ATP6V1G3: variants seen among roughly 807,000 people sequenced by gnomAD.
ATP6V1G3 encodes ATPase H+ transporting V1 subunit G3, also known as V-type proton ATPase subunit G 3.
ATP6V1G3 carries 9 observed loss-of-function variants against 9.3 expected under a neutral mutation model. That is an observed-to-expected ratio of 0.97 (90% CI 0.59 to 1.69). The LOEUF (loss-of-function observed/expected upper bound fraction) is 1.69. Among genes scored for constraint, ATP6V1G3 ranks in the 40% most tolerant of loss-of-function variants. ATP6V1G3 has a pLI of 0.00. For missense variants in ATP6V1G3, 133 were observed against 139.0 expected (o/e 0.96, Z 0.22); for synonymous variants, 43 against 43.8 (o/e 0.98, Z 0.07).
chr1:198,527,990 T>C (rs1659728100), intron 2 of ATP6V1G3, among the ~76,000 whole-genome samples: 1 of 152,066 alleles, frequency 6.6e-6, no homozygotes, highest in Non-Finnish European at 1.5e-5. Flanking sequence ...TGTGAAGGCC[T>C]CATGGTAGGG....
At chr1:198,532,638 C>T (rs1166241414) in intron 1 of ATP6V1G3, among the ~76,000 whole-genome samples, 1 of 152,118 alleles carries the variant, frequency 6.6e-6, no homozygotes, top group East Asian at 1.9e-4. Flanking sequence ...CTACTTTAGA[C>T]AGATCAGGCC....
rs557297327 is a variant in ATP6V1G3 at position 198,536,575 on chromosome 1, G to A, written c.82+3994C>T. ...ATTTCATCTAAATTCAACCAAAATA[G>A]TAAGGCAGTTTTGCACATAAAAATG... On this transcript the variant is annotated intron_variant, in intron 1 of 2. Coordinates refer to ENST00000367382, the MANE Select transcript of ATP6V1G3 (RefSeq NM_001376861.1). 21 of 945,768 alleles carry A rather than the reference G, an allele frequency of 2.2e-5. No individual in the cohort carries two copies. The African/African-American group carries it at 3.4e-4, about 16-fold the overall frequency. 58.6% of individuals were successfully genotyped at this position (945,768 alleles called of 1,614,324 possible). A position where few individuals can be genotyped will look rare whatever the true frequency, so the allele number is the denominator to read the frequency against.
At chr1:198,524,021 A>C (rs938936094) in intron 2 of ATP6V1G3, among the ~76,000 whole-genome samples, 2 of 152,094 alleles carry the variant, frequency 1.3e-5, no homozygotes, top group African/African-American at 4.8e-5. Context: ...GCTGGTTTTT[A>C]AAGAGTGTTT....
Position 198,523,367 on chromosome 1 carries a change from T to G in ATP6V1G3, c.*24A>C. ...CAGGTGGCACTCACACACCTTTTTT[T>G]TTCTTGAAAACTGTGATGTACATTT... On this transcript the variant is annotated 3_prime_UTR_variant, in exon 3 of 3. Transcript: ENST00000367382. The G allele has an allele frequency of 6.2e-7, 1 of 1,600,732 alleles. No individual in the cohort carries two copies. Among genetic ancestry groups the G allele is most frequent in the South Asian group, 1.1e-5 (1 of 88,382 alleles).
chr1:198,534,862 C>G (rs1378066624), intron 1 of ATP6V1G3, among the ~76,000 whole-genome samples: 2 of 152,102 alleles, frequency 1.3e-5, no homozygotes, highest in African/African-American at 4.8e-5. Context: ...ATAAAACCAA[C>G]CTGATTCAAA....
intron 1 of ATP6V1G3, among the ~76,000 whole-genome samples, chr1:198,532,964 C>A (rs994866119): frequency 2.6e-5 from 4 of 152,130 alleles, no homozygotes; most frequent in African/African-American, 9.7e-5. Context: ...ATACTAAATT[C>A]ATGAAGGGTT....
At chr1:198,538,967 A>T (rs1038958771) in intron 1 of ATP6V1G3, among the ~76,000 whole-genome samples, 7 of 151,986 alleles carry the variant, frequency 4.6e-5, no homozygotes, top group African/African-American at 1.7e-4. Flanking sequence ...ATGCCGCTTC[A>T]ACCACAGGTC....
At chr1:198,538,486 A>G (rs1423409910) in intron 1 of ATP6V1G3, among the ~76,000 whole-genome samples, 1 of 152,250 alleles carries the variant, frequency 6.6e-6, no homozygotes, top group Non-Finnish European at 1.5e-5. Context: ...ATACAATAAT[A>G]TTGATTAATC....
chr1:198,536,634 A>G, intron 1 of ATP6V1G3: 4 of 1,457,422 alleles, frequency 2.7e-6, no homozygotes, highest in Non-Finnish European at 3.8e-6. Flanking sequence ...ATAACCTGTA[A>G]TCAGTGAATA....
At chr1:198,540,874 C>A, upstream of ATP6V1G3, 1 of 572,138 alleles carries the variant, frequency 1.7e-6, no homozygotes, top group Non-Finnish European at 3.1e-6. Context: ...TGAGAACTTA[C>A]CATTTCTGCC....
chr1:198,529,195 A>AATATATATATATAT lies in ATP6V1G3; in HGVS notation c.83-28_83-15dup. ...GCTTTCCTTTTCCTGAAAATTAACA[A>AATATATATATATAT]ATATATATATATATATATATAATTA... On this transcript the variant is annotated splice_polypyrimidine_tract_variant and intron_variant, in intron 1 of 2. Coordinates refer to ENST00000367382, the MANE Select transcript of ATP6V1G3 (RefSeq NM_001376861.1). The AATATATATATATAT allele has an allele frequency of 2.1e-6, 1 of 466,006 alleles. No homozygotes were observed. 28.9% of individuals were successfully genotyped at this position (466,006 alleles called of 1,614,324 possible).
chr1:198,527,739 A>C (rs887032917), intron 2 of ATP6V1G3, among the ~76,000 whole-genome samples: 1 of 152,148 alleles, frequency 6.6e-6, no homozygotes, highest in African/African-American at 2.4e-5. Flanking sequence ...AAAACAAAGA[A>C]ATGATTCTTT....
At chr1:198,532,293 G>C (rs955699503) in intron 1 of ATP6V1G3, among the ~76,000 whole-genome samples, 2 of 152,152 alleles carry the variant, frequency 1.3e-5, no homozygotes, top group African/African-American at 4.8e-5. Flanking sequence ...AAAAGAAGGA[G>C]GAAGGTTGGA....
rs2253223 is a variant in ATP6V1G3 at position 198,523,726 on chromosome 1, G to A, written c.184-162C>T. 3.0e-3 allele frequency among the ~76,000 whole-genome samples: 459 copies of A among 152,266 alleles called. 2 individuals are homozygous for A. Among genetic ancestry groups the A allele is most frequent in the Non-Finnish European group, 5.4e-3 (370 of 68,024 alleles). On this transcript the variant is annotated intron_variant, in intron 2 of 2. Coordinates refer to ENST00000367382, the MANE Select transcript of ATP6V1G3 (RefSeq NM_001376861.1). ...ACAAGATCATCAATGCCATGAGTGG[G>A]AAGGATGAACTTTCATAAAATATTG...
At chr1:198,527,408 C>G (rs1427399032) in intron 2 of ATP6V1G3, among the ~76,000 whole-genome samples, 1 of 151,916 alleles carries the variant, frequency 6.6e-6, no homozygotes, top group African/African-American at 2.4e-5. Flanking sequence ...ATAACCTGAA[C>G]AAGATATATA....
intron 2 of ATP6V1G3, among the ~76,000 whole-genome samples, chr1:198,527,709 T>C (rs1659713712): frequency 6.6e-6 from 1 of 152,166 alleles, no homozygotes; most frequent in Admixed American, 6.6e-5. Flanking sequence ...ACTGTTCTAA[T>C]GTCTAGGAAA....
intron 2 of ATP6V1G3, among the ~76,000 whole-genome samples, chr1:198,524,300 T>C (rs1274564111): frequency 6.6e-6 from 1 of 152,072 alleles, no homozygotes; most frequent in Non-Finnish European, 1.5e-5. Context: ...AATTTTTGTA[T>C]TTTTAGTAGA....
chr1:198,533,491 T>G (rs1364863664), intron 1 of ATP6V1G3, among the ~76,000 whole-genome samples: 1 of 152,090 alleles, frequency 6.6e-6, no homozygotes, highest in Non-Finnish European at 1.5e-5. Flanking sequence ...GAGGTGGAAT[T>G]GATACATGAG....
intron 2 of ATP6V1G3, among the ~76,000 whole-genome samples, chr1:198,525,871 C>A (rs373465138): frequency 1.3e-5 from 2 of 152,026 alleles, no homozygotes; most frequent in African/African-American, 4.8e-5. Flanking sequence ...TTCAAGACAC[C>A]ATAATCATTT....
Sources: allele counts gnomAD v4.1 joint callset (sites outside exome capture counted in the v4.1 genomes callset), GRCh38; gene constraint gnomAD v4.1.1; transcripts MANE v1.5; gene names NCBI Gene and HGNC (gene_info 2026-07-23, HGNC 2026-07-21).